NECTIN3: variants seen among roughly 807,000 people sequenced by gnomAD.
NECTIN3 encodes nectin cell adhesion molecule 3, also known as nectin-3.
A neutral mutation model predicts 49.4 loss-of-function variants in NECTIN3; 8 were observed. The ratio of observed to expected loss-of-function variants is 0.16; its 90% CI spans 0.10 to 0.29. The LOEUF is 0.29. Ranked by LOEUF, NECTIN3 falls within the 10% of genes least tolerant of loss-of-function variation. The probability of loss-of-function intolerance (pLI) is 1.00; values close to 1 mark genes in which losing one functional copy is unlikely to be tolerated. For missense variants in NECTIN3, 581 were observed against 654.6 expected, an observed-to-expected ratio of 0.89 and a Z score of 1.23; for synonymous variants, 277 against 241.1, an observed-to-expected ratio of 1.15 and a Z score of -1.38.
Position 111,136,481 on chromosome 3 carries a change from A to G in NECTIN3, c.*2266A>G, listed in dbSNP as rs2034579523. 1.0e-5 allele frequency: 10 copies of G among 983,698 alleles called. No individual in the cohort carries two copies. Among genetic ancestry groups the G allele is most frequent in the Non-Finnish European group, 1.2e-5 (10 of 828,676 alleles). 60.9% of individuals were successfully genotyped at this position (983,698 alleles called of 1,614,324 possible). On this transcript the variant is annotated 3_prime_UTR_variant, in exon 6 of 6. Transcript: ENST00000485303. ...AACTAAAAGGTTTCTGTGTTGTAAG[A>G]ATCTGATACTAGTGCTTAAGACTTT...
At position 111,072,185 on chromosome 3, in the gene NECTIN3, A is replaced by G. The variant is rs553668547; in HGVS notation, c.160+8A>G. On this transcript the variant is annotated splice_region_variant and intron_variant, in intron 1 of 5. Transcript: ENST00000485303. Reference sequence around the variant, plus strand: ...TCTTCTCCAGGCTCTGTGGTAGGTGAACCTCGGCGGCCGGCGTGGGCTGAG... The same window carrying G: ...TCTTCTCCAGGCTCTGTGGTAGGTGGACCTCGGCGGCCGGCGTGGGCTGAG... 12 of 1,548,102 alleles carry G rather than the reference A, an allele frequency of 7.8e-6. No individual in the cohort carries two copies. In the South Asian group the frequency reaches 1.4e-4, roughly 18 times the overall value.
At chr3:111,080,895 T>C (rs1040777168) in intron 1 of NECTIN3, among the ~76,000 whole-genome samples, 2 of 152,080 alleles carry the variant, frequency 1.3e-5, no homozygotes, top group African/African-American at 4.8e-5. Context: ...TTTACAGAAA[T>C]ATTAGTAAGG....
rs1369937785 is a variant in NECTIN3, at chr3:111,072,118, C to T, written c.101C>T (p.Pro34Leu). 1.9e-6 allele frequency: 3 copies of T among 1,549,502 alleles called. No homozygotes were observed. The highest frequency in any genetic ancestry group is 2.6e-6 in the Non-Finnish European group (3 of 1,146,252). ...GGAGCCGGGCTCCTGCTGCAGCCCC[C>T]GACGCCACCTCCGCTGCTGCTGCTG... Reference protein sequence around the residue: ...LLGAGLLLQPPTPPPLLLLLF... With the variant: ...LLGAGLLLQPLTPPPLLLLLF... The change falls in exon 1 of 6, where the codon CCG becomes CTG. Residue 34 changes from proline to leucine, a missense_variant. Pro to Leu is a moderately conservative substitution (Grantham distance 98). Around this residue, in one of 3 missense-constraint regions of NECTIN3, gnomAD observed 109 missense variants for 69.1 expected, o/e 1.58. Coordinates refer to ENST00000485303, the MANE Select transcript of NECTIN3 (RefSeq NM_015480.3).
rs1438199230 is a variant in NECTIN3, at chr3:111,185,863, TA to T, written c.1222-6487del. Among the ~76,000 whole-genome samples, 5 of 152,230 alleles carry T rather than the reference TA, an allele frequency of 3.3e-5. No individual in the cohort carries two copies. In the East Asian group the frequency reaches 9.7e-4, roughly 29 times the overall value. ...CTGGTCAACAGTGGAATTGGGAGAA[TA>T]GCAGAAGCACAAATAGAAGTGAACT... On this transcript the variant is annotated intron_variant, in intron 7 of 8. Transcript: ENST00000493615.
At chr3:111,089,431 A>G (rs1000868454) in intron 1 of NECTIN3, among the ~76,000 whole-genome samples, 12 of 133,154 alleles carry the variant, frequency 9.0e-5, no homozygotes, top group African/African-American at 1.9e-4. Context: ...GTGTGTGTGT[A>G]TGTATATAAA....
chr3:111,120,239 ATTTG>A (rs1409896640), intron 3 of NECTIN3, among the ~76,000 whole-genome samples: 1 of 151,814 alleles, frequency 6.6e-6, no homozygotes, highest in African/African-American at 2.4e-5. Context: ...GATATTTTCA[ATTTG>A]TTTTTTTTTG....
intron 7 of NECTIN3, among the ~76,000 whole-genome samples, chr3:111,180,998 A>G (rs1041501026): frequency 3.3e-5 from 5 of 152,158 alleles, no homozygotes; most frequent in Non-Finnish European, 5.9e-5. Flanking sequence ...TTTTAAGTGT[A>G]CATTTTCATA....
In NECTIN3 at chr3:111,134,363, A is replaced by C. The variant is rs146692591; in HGVS notation, c.*148A>C. On this transcript the variant is annotated 3_prime_UTR_variant, in exon 6 of 6. Transcript: ENST00000485303. ...TTTATATTCTAATCTGACAAATGAA[A>C]ATGTAAAATCTGAGTTCAGTGTATC... The C allele has an allele frequency of 2.5e-3, 3,520 of 1,400,522 alleles. 111 individuals are homozygous for C. In the Admixed American group the frequency reaches 0.052, roughly 21 times the overall value. 86.8% of individuals were successfully genotyped at this position (1,400,522 alleles called of 1,614,324 possible). A position where few individuals can be genotyped will look rare whatever the true frequency, so the allele number is the denominator to read the frequency against.
At position 111,112,193 on chromosome 3, in the gene NECTIN3, A is replaced by C; in HGVS notation, c.324A>C (p.Gln108His). ...AGACTGTTGCAGTTCACCATCCCCA[A>C]TATGGATTCTCTGTTCAAGGAGAAT... ...SSQTVAVHHP[Q>H]YGFSVQGEYQ... The change falls in exon 2 of 6, where the codon CAA becomes CAC. Residue 108 changes from glutamine (Q) to histidine (H), a missense_variant. By Grantham distance (24) the Gln-to-His change is conservative. Transcript: ENST00000485303. The C allele has an allele frequency of 6.2e-7, 1 of 1,613,958 alleles. No homozygotes were observed. The highest frequency in any genetic ancestry group is 8.5e-7 in the Non-Finnish European group (1 of 1,179,920).
chr3:111,138,217 TG>T, downstream of NECTIN3, among the ~76,000 whole-genome samples: 1 of 151,792 alleles, frequency 6.6e-6, no homozygotes, highest in Admixed American at 6.6e-5. Context: ...TGCATCACTT[TG>T]TTTCCTATTT....
At chr3:111,164,811 T>C (rs2107522633) in intron 7 of NECTIN3, among the ~76,000 whole-genome samples, 1 of 152,306 alleles carries the variant, frequency 6.6e-6, no homozygotes, top group East Asian at 1.9e-4. Context: ...TCCCTGTTTC[T>C]AAATAAGGCC....
intron 7 of NECTIN3, among the ~76,000 whole-genome samples, chr3:111,173,947 A>G (rs1054163300): frequency 2.0e-5 from 3 of 152,026 alleles, no homozygotes; most frequent in East Asian, 1.9e-4. Context: ...CCTAGCTGTC[A>G]TCATCATCAT....
In NECTIN3 at chr3:111,135,850, T is replaced by C; in HGVS notation, c.*1635T>C. On this transcript the variant is annotated 3_prime_UTR_variant, in exon 6 of 6. Transcript: ENST00000485303. ...TTAACTAGCACTATTTTGTGGAAAT[T>C]AGAAACCTCTTTTATTTCTCTTCCC... The C allele has an allele frequency of 1.1e-6, 1 of 927,196 alleles. No individual in the cohort carries two copies. Among genetic ancestry groups the C allele is most frequent in the Non-Finnish European group, 1.3e-6 (1 of 777,526 alleles). 57.4% of individuals were successfully genotyped at this position (927,196 alleles called of 1,614,324 possible).
chr3:111,126,053 T>C, intron 4 of NECTIN3, 131 bp from the exon 5 acceptor site: 1 of 603,066 alleles, frequency 1.7e-6, no homozygotes, highest in Non-Finnish European at 2.6e-6. Context: ...TTTTATACTT[T>C]CAGTGAATTT....
chr3:111,111,559 C>G (rs1034515228), intron 1 of NECTIN3, among the ~76,000 whole-genome samples: 6 of 152,098 alleles, frequency 3.9e-5, no homozygotes, highest in African/African-American at 1.4e-4. Context: ...GGCTTTAAAA[C>G]AATATCCATT....
At chr3:111,141,475 T>C (rs372897489), downstream of NECTIN3, among the ~76,000 whole-genome samples, 14 of 151,670 alleles carry the variant, frequency 9.2e-5, 1 homozygote, top group South Asian at 1.0e-3. Flanking sequence ...TTCAATTTAT[T>C]ATTTATAATA....
intron 5 of NECTIN3, among the ~76,000 whole-genome samples, chr3:111,143,160 C>T (rs779526901): frequency 2.0e-5 from 3 of 151,786 alleles, no homozygotes; most frequent in Non-Finnish European, 4.4e-5. Context: ...CCAAATCTCT[C>T]TCACATTTAC....
chr3:111,088,155 C>A (rs555494622), intron 1 of NECTIN3, among the ~76,000 whole-genome samples: 65 of 152,092 alleles, frequency 4.3e-4, no homozygotes, highest in Non-Finnish European at 6.6e-4. Flanking sequence ...TAATGCCCTC[C>A]CTGGGGTGGT....
chr3:111,101,416 T>C (rs1349617343), intron 1 of NECTIN3, among the ~76,000 whole-genome samples: 2 of 152,110 alleles, frequency 1.3e-5, no homozygotes, highest in Non-Finnish European at 2.9e-5. Context: ...GTGTAGAAAA[T>C]ATTTTTGTAG....
Sources: allele counts gnomAD v4.1 joint callset (sites outside exome capture counted in the v4.1 genomes callset), GRCh38; gene constraint gnomAD v4.1.1; regional missense constraint gnomAD v4.1.1; transcripts MANE v1.5; gene names NCBI Gene and HGNC (gene_info 2026-07-23, HGNC 2026-07-21).